Variants in GALNT13 observed in about 807,000 individuals in gnomAD.
The protein encoded by GALNT13 is UDP-GalNAc:polypeptide N-acetylgalactosaminyltransferase 13.
A neutral mutation model predicts 64.2 loss-of-function variants in GALNT13; 28 were observed. That is an observed-to-expected ratio of 0.44 (90% CI 0.32 to 0.60). GALNT13 has a LOEUF of 0.60. Ranked by LOEUF, GALNT13 falls within the 20% of genes least tolerant of loss-of-function variation. The pLI is 0.05. For missense variants in GALNT13, 577 were observed against 669.8 expected, an observed-to-expected ratio of 0.86 and a Z score of 1.53; for synonymous variants, 214 against 224.6, an observed-to-expected ratio of 0.95 and a Z score of 0.42.
intron 3 of GALNT13, among the ~76,000 whole-genome samples, chr2:153,994,901 G>A (rs1007239973): frequency 7.2e-5 from 11 of 151,868 alleles, no homozygotes; most frequent in African/African-American, 2.4e-5. Context: ...TTCTTTTGCT[G>A]TGCAGAAGCT....
the GALNT13 span, among the ~76,000 whole-genome samples, chr2:153,345,460 A>G: frequency 6.6e-6 from 1 of 152,028 alleles, no homozygotes; most frequent in Non-Finnish European, 1.5e-5. Flanking sequence ...TGTTCTCCTG[A>G]GGGGCAAAGG....
the GALNT13 span, among the ~76,000 whole-genome samples, chr2:153,790,558 C>T: frequency 6.6e-6 from 1 of 152,104 alleles, no homozygotes; most frequent in African/African-American, 2.4e-5. Context: ...TGGATGCCAT[C>T]TCTCACCACT....
At chr2:153,895,951 T>A (rs1404020221) in intron 1 of GALNT13, among the ~76,000 whole-genome samples, 2 of 150,352 alleles carry the variant, frequency 1.3e-5, no homozygotes, top group African/African-American at 4.9e-5. Flanking sequence ...AAAGATATTG[T>A]CACACAAGAA....
At chr2:153,836,776 C>T in the GALNT13 span, among the ~76,000 whole-genome samples, 13 of 150,798 alleles carry the variant, frequency 8.6e-5, no homozygotes, top group South Asian at 2.1e-4. Flanking sequence ...TTTGTCCTTG[C>T]GATAGTTTAC....
chr2:153,219,694 G>A, the GALNT13 span, among the ~76,000 whole-genome samples: 295 of 152,244 alleles, frequency 1.9e-3, 2 homozygotes, highest in Non-Finnish European at 3.4e-3. Flanking sequence ...AATTTATGAG[G>A]ACAACTAGTT....
At chr2:153,643,282 G>A in the GALNT13 span, among the ~76,000 whole-genome samples, 1 of 151,364 alleles carries the variant, frequency 6.6e-6, no homozygotes, top group East Asian at 1.9e-4. Context: ...GATGGAAAAA[G>A]CAAAAATAAG....
At chr2:153,456,428 G>A in the GALNT13 span, among the ~76,000 whole-genome samples, 1,566 of 152,284 alleles carry the variant, frequency 0.01, 34 homozygotes, top group East Asian at 0.074. Flanking sequence ...GAAATGCTGA[G>A]GTCTGGGTGT....
chr2:153,665,954 C>G, the GALNT13 span, among the ~76,000 whole-genome samples: 7 of 152,092 alleles, frequency 4.6e-5, no homozygotes, highest in East Asian at 1.4e-3. Flanking sequence ...AATGCTTGCC[C>G]TGCTCCTCTA....
At chr2:153,810,345 G>A in the GALNT13 span, among the ~76,000 whole-genome samples, 132,966 of 152,132 alleles carry the variant, frequency 0.87, 58,944 homozygotes, top group Non-Finnish European at 0.92. Flanking sequence ...TGTTGTGCGT[G>A]ATCATTGTCT....
chr2:154,138,108 C>T (rs1049117552), intron 3 of GALNT13, among the ~76,000 whole-genome samples: 1 of 151,992 alleles, frequency 6.6e-6, no homozygotes, highest in Non-Finnish European at 1.5e-5. Context: ...CCATACATTT[C>T]CTAGTTACAA....
chr2:154,431,080 A>G (rs1285843817), intron 11 of GALNT13, among the ~76,000 whole-genome samples: 2 of 152,136 alleles, frequency 1.3e-5, no homozygotes, highest in Non-Finnish European at 2.9e-5. Flanking sequence ...AACTGAACCC[A>G]CAGTATCTCT....
chr2:153,766,055 T>A, the GALNT13 span, among the ~76,000 whole-genome samples: 1 of 152,224 alleles, frequency 6.6e-6, no homozygotes, highest in African/African-American at 2.4e-5. Flanking sequence ...GAGAACAGAC[T>A]AATACACTTA....
chr2:153,785,777 T>C, the GALNT13 span, among the ~76,000 whole-genome samples: 6 of 152,000 alleles, frequency 3.9e-5, no homozygotes, highest in African/African-American at 1.4e-4. Context: ...CAACTCCCTG[T>C]GACAGAGCTC....
chr2:153,101,648 A>C, the GALNT13 span, among the ~76,000 whole-genome samples: 1 of 152,246 alleles, frequency 6.6e-6, no homozygotes, highest in African/African-American at 2.4e-5. Context: ...GTGTCACATC[A>C]TAAAAAGTTC....
At chr2:153,970,336 G>A (rs1291443278) in intron 3 of GALNT13, among the ~76,000 whole-genome samples, 1 of 152,052 alleles carries the variant, frequency 6.6e-6, no homozygotes, top group Non-Finnish European at 1.5e-5. Context: ...CTGCCTCCTT[G>A]TATTGCTTTT....
intron 8 of GALNT13, among the ~76,000 whole-genome samples, chr2:154,275,665 A>C (rs1691605766): frequency 6.6e-6 from 1 of 152,096 alleles, no homozygotes; most frequent in Non-Finnish European, 1.5e-5. Flanking sequence ...TGTGGAATGG[A>C]AATGTGGGGT....
chr2:153,132,806 A>T, the GALNT13 span, among the ~76,000 whole-genome samples: 4 of 151,840 alleles, frequency 2.6e-5, no homozygotes, highest in African/African-American at 9.7e-5. Flanking sequence ...TGTAGCTTCA[A>T]CCTCCCCAGG....
At chr2:153,206,920 A>G in the GALNT13 span, among the ~76,000 whole-genome samples, 1 of 151,994 alleles carries the variant, frequency 6.6e-6, no homozygotes, top group East Asian at 1.9e-4. Flanking sequence ...CTCACAGCCA[A>G]TTCTTTTTTT....
the GALNT13 span, chr2:153,593,212 A>G: frequency 2.6e-5 from 4 of 152,294 alleles, no homozygotes. Context: ...CCATCTGTAA[A>G]CAGACTTGGG....
Sources: allele counts gnomAD v4.1 joint callset (sites outside exome capture counted in the v4.1 genomes callset), GRCh38; gene constraint gnomAD v4.1.1; transcripts MANE v1.5; gene names NCBI Gene and HGNC (gene_info 2026-07-23, HGNC 2026-07-21).